Variants in AHCYL2 observed in about 807,000 individuals in gnomAD.
AHCYL2 encodes adenosylhomocysteinase like 2, also known as S-adenosylhomocysteine hydrolase-like protein 2.
A neutral mutation model predicts 81.4 loss-of-function variants in AHCYL2; 28 were observed. The observed-to-expected ratio is 0.34, with a 90% CI of 0.25 to 0.47. The LOEUF is 0.47. AHCYL2 is among the 20% of genes least tolerant of loss of function. AHCYL2 has a pLI of 1.00. For synonymous variants in AHCYL2, 272 were observed against 290.2 expected, an observed-to-expected ratio of 0.94 and a Z score of 0.64; for missense variants, 551 against 785.1, an observed-to-expected ratio of 0.70 and a Z score of 3.56.
intron 1 of AHCYL2, among the ~76,000 whole-genome samples, chr7:129,280,890 A>G (rs1796416419): frequency 6.7e-6 from 1 of 149,058 alleles, no homozygotes. Flanking sequence ...TTTGAGACAG[A>G]GTCTCGCTCT....
At chr7:129,364,027 T>C (rs1418427014) in intron 1 of AHCYL2, among the ~76,000 whole-genome samples, 1 of 151,840 alleles carries the variant, frequency 6.6e-6, no homozygotes, top group African/African-American at 2.4e-5. Flanking sequence ...GGTGAACTCC[T>C]GGGAGTTCAA....
chr7:129,250,675 G>A (rs1046881120), intron 1 of AHCYL2, among the ~76,000 whole-genome samples: 2 of 152,194 alleles, frequency 1.3e-5, no homozygotes, highest in South Asian at 4.1e-4. Flanking sequence ...AGTTGGTAGG[G>A]CAGATTTCTC....
intron 1 of AHCYL2, among the ~76,000 whole-genome samples, chr7:129,228,090 A>G (rs1794291832): frequency 6.6e-6 from 1 of 152,230 alleles, no homozygotes; most frequent in African/African-American, 2.4e-5. Flanking sequence ...GTAAATAACC[A>G]CTTTGACCTT....
intron 6 of AHCYL2, among the ~76,000 whole-genome samples, chr7:129,401,873 T>C (rs531178077): frequency 6.6e-6 from 1 of 152,294 alleles, no homozygotes; most frequent in Non-Finnish European, 1.5e-5. Context: ...CAAAAACAGT[T>C]GTCACCCCAG....
At chr7:129,423,017 C>T (rs1431676017) in intron 13 of AHCYL2, 79 bp downstream of exon 13, 1 of 1,193,748 alleles carries the variant, frequency 8.4e-7, no homozygotes, top group Non-Finnish European at 1.2e-6. Context: ...CTCATGTTCT[C>T]GAATACTTTC....
chr7:129,404,940 T>C (rs529681817), intron 7 of AHCYL2, among the ~76,000 whole-genome samples, 157 bp from the exon 8 acceptor site: 55 of 152,220 alleles, frequency 3.6e-4, no homozygotes, highest in Non-Finnish European at 7.2e-4. Context: ...TCTAGAAAGA[T>C]ATTCTTTATT....
At chr7:129,268,914 T>C (rs1795906340) in intron 1 of AHCYL2, among the ~76,000 whole-genome samples, 1 of 152,184 alleles carries the variant, frequency 6.6e-6, no homozygotes, top group South Asian at 2.1e-4. Flanking sequence ...GTATAACCAT[T>C]ACTGTAATTT....
At chr7:129,417,434 T>C (rs1012218510) in intron 12 of AHCYL2, among the ~76,000 whole-genome samples, 1 of 152,242 alleles carries the variant, frequency 6.6e-6, no homozygotes, top group Admixed American at 6.5e-5. Context: ...GTTGAGGGTT[T>C]ATAATCTGAC....
chr7:129,363,959 G>A (rs146754877), intron 1 of AHCYL2, among the ~76,000 whole-genome samples: 2,536 of 152,086 alleles, frequency 0.017, 66 homozygotes, highest in African/African-American at 0.057. Flanking sequence ...GGCTGGGCAC[G>A]GTGGCTCATG....
chr7:129,255,487 ACTAT>A (rs1320800238), intron 1 of AHCYL2, among the ~76,000 whole-genome samples: 2 of 152,242 alleles, frequency 1.3e-5, no homozygotes, highest in Non-Finnish European at 2.9e-5. Flanking sequence ...GTGGTTAGTA[ACTAT>A]CTATTGGACA....
intron 1 of AHCYL2, among the ~76,000 whole-genome samples, chr7:129,374,490 A>G (rs1483687750): frequency 6.6e-6 from 1 of 151,870 alleles, no homozygotes; most frequent in African/African-American, 2.4e-5. Flanking sequence ...CTCTCTCTAA[A>G]TAAAGATTAT....
chr7:129,267,742 T>C (rs1279857809), intron 1 of AHCYL2, among the ~76,000 whole-genome samples: 1 of 152,028 alleles, frequency 6.6e-6, no homozygotes, highest in Admixed American at 6.6e-5. Context: ...GACCCTAAGA[T>C]AGGAAGTAGA....
chr7:129,360,119 A>AT lies in AHCYL2; in HGVS notation c.364-19506dup, dbSNP rs71162596. Among the ~76,000 whole-genome samples, 507 of 141,992 alleles carry AT rather than the reference A, an allele frequency of 3.6e-3. 7 individuals are homozygous for AT. The East Asian group carries it at 0.057, about 16-fold the overall frequency. 93.2% of individuals were successfully genotyped at this position (141,992 alleles called of 152,430 possible). ...AGCTAGCTATTTTTTTTTAATTTTA[A>AT]TTTTTTTTTTTTTGAGACGGAGTTT... is the stretch of plus-strand genomic sequence containing the variant. On this transcript the variant is annotated intron_variant, in intron 1 of 16. Coordinates refer to ENST00000325006, the MANE Select transcript of AHCYL2 (RefSeq NM_015328.4).
intron 1 of AHCYL2, among the ~76,000 whole-genome samples, chr7:129,349,177 C>G (rs79126242): frequency 2.0e-5 from 3 of 152,098 alleles, no homozygotes; most frequent in African/African-American, 7.2e-5. Flanking sequence ...TTCCCTTCAT[C>G]TTGAAAATGT....
intron 1 of AHCYL2, among the ~76,000 whole-genome samples, chr7:129,278,089 T>C (rs554323250): frequency 4.7e-4 from 72 of 152,328 alleles, no homozygotes; most frequent in African/African-American, 1.5e-3. Flanking sequence ...TGGTCAGTCT[T>C]TATTTTTAGC....
At position 129,349,651 on chromosome 7, in the gene AHCYL2, C is replaced by CAAAAAAAAAAAAAAAAAAA. The variant is rs34969591; in HGVS notation, c.364-29984_364-29966dup. ...TGGGCAACAATGCAAGACTCTGTTT[C>CAAAAAAAAAAAAAAAAAAA]AAAAAAAAAAAAAAAAAAAAAGCGT... On this transcript the variant is annotated intron_variant, in intron 1 of 16. Transcript: ENST00000325006. 2.3e-5 allele frequency among the ~76,000 whole-genome samples: 2 copies of CAAAAAAAAAAAAAAAAAAA among 86,112 alleles called. 1 individual carries two copies. Among genetic ancestry groups the CAAAAAAAAAAAAAAAAAAA allele is most frequent in the African/African-American group, 1.0e-4 (2 of 19,652 alleles). 56.5% of individuals were successfully genotyped at this position (86,112 alleles called of 152,430 possible).
chr7:129,339,949 C>T (rs1162938173), intron 1 of AHCYL2, among the ~76,000 whole-genome samples: 139 of 115,472 alleles, frequency 1.2e-3, no homozygotes, highest in African/African-American at 4.5e-3. Flanking sequence ...GACGGAGTCT[C>T]GCTCCGTCGC....
At chr7:129,291,226 CA>C (rs1450085492) in intron 1 of AHCYL2, among the ~76,000 whole-genome samples, 6 of 152,096 alleles carry the variant, frequency 3.9e-5, no homozygotes, top group African/African-American at 1.4e-4. Context: ...CAAACCCCCC[CA>C]AAATTTTGCA....
At chr7:129,325,155 A>G (rs1798175228) in intron 1 of AHCYL2, among the ~76,000 whole-genome samples, 1 of 107,774 alleles carries the variant, frequency 9.3e-6, no homozygotes, top group African/African-American at 3.6e-5. Flanking sequence ...TCCATGTGGT[A>G]TAATTTTCCT....
Sources: gnomAD v4.1 joint callset for allele counts (sites outside exome capture counted in the v4.1 genomes callset) on GRCh38, gnomAD v4.1.1 for gene constraint, MANE v1.5 for transcripts, NCBI Gene and HGNC (gene_info 2026-07-23, HGNC 2026-07-21) for gene names.